The following PSMA7 variants were observed in gnomAD, a reference collection of about 807,000 sequenced individuals.
PSMA7 encodes proteasome subunit alpha type-7.
PSMA7 carries 5 observed loss-of-function variants against 31.3 expected under a neutral mutation model. That is an observed-to-expected ratio of 0.16 (90% CI 0.08 to 0.34). PSMA7 has a LOEUF of 0.34. Ranked by LOEUF, PSMA7 falls within the 10% of genes least tolerant of loss-of-function variation. PSMA7 has a pLI of 1.00. For missense variants in PSMA7, 217 were observed against 327.5 expected, an observed-to-expected ratio of 0.66 and a Z score of 2.60; for synonymous variants, 155 against 121.9, an observed-to-expected ratio of 1.27 and a Z score of -1.79.
intron 4 of PSMA7, among the ~76,000 whole-genome samples, chr20:62,138,570 TTGA>T (rs2056908910): frequency 6.8e-6 from 1 of 147,284 alleles, no homozygotes; most frequent in African/African-American, 2.6e-5. Context: ...TTTTTTTTTT[TTGA>T]GGTAGAGTTT....
At chr20:62,139,648 A>T (rs749020085) in intron 3 of PSMA7, 133 bp downstream of exon 3, 80 of 1,452,406 alleles carry the variant, frequency 5.5e-5, no homozygotes, top group Non-Finnish European at 7.5e-5. Context: ...CACTTGTGCA[A>T]GTCAAGATTA....
At chr20:62,143,094 CCCCGCGCACG>C (rs1456553225) in intron 1 of PSMA7, 104 bp downstream of exon 1, 17 of 529,086 alleles carry the variant, frequency 3.2e-5, no homozygotes, top group South Asian at 1.6e-4. Flanking sequence ...CGCGCCGCTG[CCCCGCGCACG>C]CCCGCGGGCG....
At chr20:62,138,554 T>A (rs1374439741) in intron 4 of PSMA7, among the ~76,000 whole-genome samples, 8 of 138,282 alleles carry the variant, frequency 5.8e-5, no homozygotes, top group Non-Finnish European at 1.0e-4. Flanking sequence ...TGGGAGATTT[T>A]TTTTTTTTTT....
At chr20:62,137,170 G>A (rs2056900004) in intron 6 of PSMA7, among the ~76,000 whole-genome samples, 194 bp downstream of exon 6, 1 of 152,214 alleles carries the variant, frequency 6.6e-6, no homozygotes. Context: ...CATGCCCAGA[G>A]AACACGCGTG....
At chr20:62,143,113 C>T in intron 1 of PSMA7, 95 bp downstream of exon 1, 1 of 739,742 alleles carries the variant, frequency 1.4e-6, no homozygotes, top group Non-Finnish European at 1.7e-6. Flanking sequence ...CGCCCGCGGG[C>T]GCCCACAGCG....
At chr20:62,142,344 C>T (rs2056936261) in intron 1 of PSMA7, 1 of 152,184 alleles carries the variant, frequency 6.6e-6, no homozygotes, top group Admixed American at 6.5e-5. Context: ...GAATACTGGG[C>T]CTTCATTTCA....
chr20:62,138,933 AT>A, intron 4 of PSMA7, 141 bp downstream of exon 4: 3 of 1,128,148 alleles, frequency 2.7e-6, no homozygotes, highest in Non-Finnish European at 3.7e-6. Flanking sequence ...ATGTTTAATC[AT>A]TTTCTTGCTC....
intron 6 of PSMA7, 45 bp downstream of exon 6, chr20:62,137,319 G>C (rs1385251699): frequency 1.3e-6 from 2 of 1,585,668 alleles, no homozygotes; most frequent in African/African-American, 2.7e-5. Context: ...CCTGATCATG[G>C]GAGAAAACTG....
chr20:62,136,768 G>A lies in PSMA7; in HGVS notation c.*89C>T, dbSNP rs2056895938. 1 of 1,490,764 alleles carries A rather than the reference G, an allele frequency of 6.7e-7. No individual in the cohort carries two copies. The highest frequency in any genetic ancestry group is 8.9e-7 in the Non-Finnish European group (1 of 1,121,010). 92.3% of individuals were successfully genotyped at this position (1,490,764 alleles called of 1,614,324 possible). ...GGAAGTTTATTGTAGGACACTCAGTGTGAATAAATGGAATGGAAAGGCCTA... is the reference window on the plus strand; with the variant it reads ...GGAAGTTTATTGTAGGACACTCAGTATGAATAAATGGAATGGAAAGGCCTA... On this transcript the variant is annotated 3_prime_UTR_variant, in exon 7 of 7. Coordinates refer to ENST00000370873, the MANE Select transcript of PSMA7 (RefSeq NM_002792.4).
rs766096476 is a variant in PSMA7 at position 62,136,811 on chromosome 20, ATGAT to A, written c.*42_*45del. 2 of 1,573,070 alleles carry A rather than the reference ATGAT, an allele frequency of 1.3e-6. No individual in the cohort carries two copies. The highest frequency in any genetic ancestry group is 2.3e-5 in the East Asian group (1 of 44,380). On this transcript the variant is annotated 3_prime_UTR_variant, in exon 7 of 7. Coordinates refer to ENST00000370873, the MANE Select transcript of PSMA7 (RefSeq NM_002792.4). Reference sequence around the variant, plus strand: ...AAGGCCTACACATCGAGACTCATCCATGATTGATATGAATTTAAAAATTACAAGC... The same window carrying A: ...AAGGCCTACACATCGAGACTCATCCATGATATGAATTTAAAAATTACAAGC...
Position 62,139,882 on chromosome 20 carries a change from C to T in PSMA7, c.247G>A (p.Val83Ile), listed in dbSNP as rs769100880. 1 of 1,613,958 alleles carries T rather than the reference C, an allele frequency of 6.2e-7. No individual in the cohort carries two copies. Among genetic ancestry groups the T allele is most frequent in the Non-Finnish European group, 8.5e-7 (1 of 1,180,016 alleles). ...CACTCCACCCGGGCCCTGTTGATGA[C>T]TATCCTTGCATCGGCGGTGAGGCCT... is the stretch of plus-strand genomic sequence containing the variant. ...FAGLTADARI[V>I]INRARVECQS... Residue 83 changes from valine (V) to isoleucine (I), a missense_variant, in exon 3 of 7, where the codon GTC becomes ATC. Physicochemically the swap from Val to Ile is conservative, Grantham distance 29 (BLOSUM62 3). Transcript: ENST00000370873.
At chr20:62,141,748 G>A (rs891156304) in intron 1 of PSMA7, among the ~76,000 whole-genome samples, 9 of 152,260 alleles carry the variant, frequency 5.9e-5, no homozygotes, top group African/African-American at 2.2e-4. Context: ...GCCATGAGAA[G>A]GGGCCTGATT....
intron 3 of PSMA7, chr20:62,139,560 C>T: frequency 1.2e-6 from 1 of 806,068 alleles, no homozygotes; most frequent in Non-Finnish European, 2.0e-6. Context: ...TCCCTCCAGA[C>T]ACAGGAATTT....
Position 62,136,891 on chromosome 20 carries a change from T to C in PSMA7, c.713A>G (p.Glu238Gly). The change falls in exon 7 of 7, where the codon GAA (glutamate) becomes GGA (glycine). Residue 238 changes from glutamate (E) to glycine (G), a missense_variant. Around this residue, in one of 3 missense-constraint regions of PSMA7, gnomAD observed 88 missense variants for 111.6 expected, o/e 0.79. Transcript: ENST00000370873. ...YVAEIEKEKEENEKKKQKKAS is the reference protein window; with the variant it reads ...YVAEIEKEKEGNEKKKQKKAS ...TTTCTTTTGTTTCTTCTTTTCGTTT[T>C]CTTCTTTTTCTTTTTCAATTTCAGC... 1 of 1,599,786 alleles carries C rather than the reference T, an allele frequency of 6.3e-7. No individual in the cohort carries two copies. Among genetic ancestry groups the C allele is most frequent in the South Asian group, 1.1e-5 (1 of 87,338 alleles).
At chr20:62,140,009 C>A in intron 2 of PSMA7, 104 bp from the exon 3 acceptor site, 1 of 1,416,856 alleles carries the variant, frequency 7.1e-7, no homozygotes, top group Non-Finnish European at 9.5e-7. Context: ...CCCCCCAAAC[C>A]GGCAGCAAGG....
intron 2 of PSMA7, 97 bp from the exon 3 acceptor site, chr20:62,140,002 C>A: frequency 6.9e-7 from 1 of 1,441,578 alleles, no homozygotes; most frequent in East Asian, 2.5e-5. Context: ...CCACAGACCC[C>A]CCAAACCGGC....
At chr20:62,140,209 G>C (rs1167069050) in intron 2 of PSMA7, among the ~76,000 whole-genome samples, 1 of 152,190 alleles carries the variant, frequency 6.6e-6, no homozygotes, top group African/African-American at 2.4e-5. Flanking sequence ...CTGCCGTGCA[G>C]AATCTGGATT....
intron 1 of PSMA7, 26 bp from the exon 2 acceptor site, chr20:62,140,970 TAAGA>T: frequency 1.2e-6 from 2 of 1,613,204 alleles, no homozygotes; most frequent in East Asian, 4.5e-5. Flanking sequence ...ACAAACCACG[TAAGA>T]AAGTGATATG....
chr20:62,138,437 C>G (rs1239709095), intron 4 of PSMA7, 147 bp from the exon 5 acceptor site: 1 of 1,041,782 alleles, frequency 9.6e-7, no homozygotes, highest in African/African-American at 1.6e-5. Context: ...TGGACACAGG[C>G]CCTGCCTCGT....
Sources: allele counts gnomAD v4.1 joint callset (sites outside exome capture counted in the v4.1 genomes callset), GRCh38; gene constraint gnomAD v4.1.1; regional missense constraint gnomAD v4.1.1; transcripts MANE v1.5; gene names NCBI Gene and HGNC (gene_info 2026-07-23, HGNC 2026-07-21).